Variants in GRM7 observed in about 807,000 individuals in gnomAD.
GRM7 encodes the protein glutamate metabotropic receptor 7, also known as metabotropic glutamate receptor 7.
Under a neutral mutation model 84.5 loss-of-function variants are expected in GRM7, and 35 were observed. That is an observed-to-expected ratio of 0.41 (90% CI 0.32 to 0.55). The LOEUF (loss-of-function observed/expected upper bound fraction) is 0.55, where lower values mean the gene tolerates loss of function less well. Ranked by LOEUF, GRM7 falls within the 20% of genes least tolerant of loss-of-function variation. The pLI, the probability that GRM7 is intolerant of heterozygous loss-of-function variation, is 0.19. For missense variants in GRM7, 1,003 were observed against 1,194.6 expected (o/e 0.84, Z 2.36); for synonymous variants, 487 against 455.1 (o/e 1.07, Z -0.89).
intron 8 of GRM7, among the ~76,000 whole-genome samples, chr3:7,616,694 A>G (rs1279367909): frequency 6.6e-6 from 1 of 152,200 alleles, no homozygotes; most frequent in East Asian, 1.9e-4. Context: ...CTTAAAAAGT[A>G]GGTAAGATAT....
intron 4 of GRM7, among the ~76,000 whole-genome samples, chr3:7,314,733 C>T (rs996953501): frequency 2.0e-5 from 3 of 151,800 alleles, no homozygotes; most frequent in Admixed American, 2.0e-4. Context: ...GATTTAAATT[C>T]TTTGTTTAGT....
Position 7,676,057 on chromosome 3 carries a change from G to C in GRM7, c.2452-3992G>C, listed in dbSNP as rs531731409. On this transcript the variant is annotated intron_variant, in intron 8 of 9. Transcript: ENST00000357716. ...GTGGCGTGATCGTGATCTTGGCTCA[G>C]TGCAAACTCCGCCTCCTGGGTTACA... Among the ~76,000 whole-genome samples, 139 of 152,184 alleles carry C rather than the reference G, an allele frequency of 9.1e-4. 2 individuals are homozygous for C. In the South Asian group the frequency reaches 0.026, roughly 29 times the overall value.
chr3:6,863,957 G>A lies in GRM7; in HGVS notation c.519+2050G>A, dbSNP rs772315878. On this transcript the variant is annotated intron_variant, in intron 1 of 9. Coordinates refer to ENST00000357716, the MANE Select transcript of GRM7 (RefSeq NM_000844.4). The surrounding 1 kb of genome is among the most constrained non-coding windows in gnomAD (Gnocchi z 4.8). ...TGTTTGCTGAAAAATATTCCAGGGG[G>A]AGCTGATTCCTTCTCTGGTGTGTGA... Among the ~76,000 whole-genome samples, 1 of 152,122 alleles carries A rather than the reference G, an allele frequency of 6.6e-6. No individual in the cohort carries two copies. The highest frequency in any genetic ancestry group is 6.5e-5 in the Admixed American group (1 of 15,274).
At chr3:7,469,698 C>A (rs1021411295) in intron 7 of GRM7, among the ~76,000 whole-genome samples, 1 of 152,128 alleles carries the variant, frequency 6.6e-6, no homozygotes, top group Non-Finnish European at 1.5e-5. Context: ...TGAGGAAGGT[C>A]TCTCTGAAAA....
intron 1 of GRM7, among the ~76,000 whole-genome samples, chr3:6,937,384 G>A (rs1055341226): frequency 5.3e-5 from 8 of 152,132 alleles, no homozygotes; most frequent in African/African-American, 1.4e-4. Flanking sequence ...AACAAATTGA[G>A]TTTGGCTGAT....
chr3:7,285,690 A>C (rs1331994527), intron 2 of GRM7, among the ~76,000 whole-genome samples: 7 of 152,024 alleles, frequency 4.6e-5, no homozygotes, highest in Non-Finnish European at 1.0e-4. Flanking sequence ...CTACCTACCA[A>C]ATAGTTTTTT....
chr3:6,921,815 C>G (rs62235383), intron 1 of GRM7, among the ~76,000 whole-genome samples: 11,088 of 151,986 alleles, frequency 0.073, 548 homozygotes, highest in Non-Finnish European at 0.11. Flanking sequence ...AGAATGGCTT[C>G]TCTCTCTCTC....
chr3:7,312,104 T>A (rs1700418450), intron 4 of GRM7, among the ~76,000 whole-genome samples: 1 of 152,170 alleles, frequency 6.6e-6, no homozygotes, highest in South Asian at 2.1e-4. Flanking sequence ...CTGAGTCCTG[T>A]CTCCCTCAAG....
At chr3:7,384,801 T>C (rs1210692932) in intron 4 of GRM7, among the ~76,000 whole-genome samples, 1 of 152,134 alleles carries the variant, frequency 6.6e-6, no homozygotes, top group Non-Finnish European at 1.5e-5. Context: ...ACAGAGAGAT[T>C]GGGGAGCTTT....
At chr3:7,451,468 G>A (rs926947953) in intron 5 of GRM7, among the ~76,000 whole-genome samples, 6 of 152,124 alleles carry the variant, frequency 3.9e-5, no homozygotes, top group African/African-American at 1.4e-4. Flanking sequence ...GATCTCCCTG[G>A]CAAAGTAAAC....
intron 2 of GRM7, among the ~76,000 whole-genome samples, chr3:7,212,903 T>A (rs1696477537): frequency 6.6e-6 from 1 of 152,190 alleles, no homozygotes; most frequent in Admixed American, 6.5e-5. Flanking sequence ...TGTGCCCTAG[T>A]AAAGCCCAGT....
chr3:7,242,190 G>T (rs1475120305), intron 2 of GRM7, among the ~76,000 whole-genome samples: 2 of 152,140 alleles, frequency 1.3e-5, no homozygotes, highest in African/African-American at 4.8e-5. Flanking sequence ...ATGATCCTGT[G>T]ACTGGCTAGA....
chr3:7,242,166 T>C (rs1697583890), intron 2 of GRM7, among the ~76,000 whole-genome samples: 1 of 152,156 alleles, frequency 6.6e-6, no homozygotes, highest in South Asian at 2.1e-4. Context: ...TAAACAAAGA[T>C]GTCAACTTAA....
intron 8 of GRM7, among the ~76,000 whole-genome samples, chr3:7,583,124 G>C (rs1443729413): frequency 2.6e-5 from 4 of 152,186 alleles, no homozygotes; most frequent in Non-Finnish European, 4.4e-5. Flanking sequence ...CAAAGTCAAG[G>C]ATTAGAATGT....
Position 7,740,505 on chromosome 3 carries a change from C to A in GRM7, c.*99C>A. 2 of 639,222 alleles carry A rather than the reference C, an allele frequency of 3.1e-6. No homozygotes were observed. The highest frequency in any genetic ancestry group is 2.6e-6 in the Non-Finnish European group (1 of 378,208). 39.6% of individuals were successfully genotyped at this position (639,222 alleles called of 1,614,324 possible). A position where few individuals can be genotyped will look rare whatever the true frequency, so the allele number is the denominator to read the frequency against. ...TTTGGTCCTACCCGCTTCCCATCAC[C>A]GGAGGAGCTTCCCCGGCCGGGAGAC... On this transcript the variant is annotated 3_prime_UTR_variant, in exon 10 of 10. Coordinates refer to ENST00000357716, the MANE Select transcript of GRM7 (RefSeq NM_000844.4).
At chr3:7,326,965 T>A (rs1269601721) in intron 4 of GRM7, among the ~76,000 whole-genome samples, 2 of 152,212 alleles carry the variant, frequency 1.3e-5, no homozygotes, top group African/African-American at 4.8e-5. Context: ...TACATAAATA[T>A]TTGTTTAATA....
intron 2 of GRM7, among the ~76,000 whole-genome samples, chr3:7,280,290 G>A (rs890988301): frequency 3.3e-5 from 5 of 152,222 alleles, no homozygotes; most frequent in African/African-American, 9.6e-5. Flanking sequence ...GTACACCTGA[G>A]TTAAAATATT....
At chr3:7,556,004 T>C (rs1441747952) in intron 7 of GRM7, among the ~76,000 whole-genome samples, 1 of 152,132 alleles carries the variant, frequency 6.6e-6, no homozygotes, top group Admixed American at 6.6e-5. Context: ...AATTAACCTG[T>C]CTTATTTGAT....
chr3:7,097,215 C>G (rs1698887784), intron 1 of GRM7, among the ~76,000 whole-genome samples: 1 of 152,048 alleles, frequency 6.6e-6, no homozygotes, highest in African/African-American at 2.4e-5. Flanking sequence ...GTCCCTGTCA[C>G]TACTTAAATT....
Sources: gnomAD v4.1 joint callset for allele counts (sites outside exome capture counted in the v4.1 genomes callset) on GRCh38, gnomAD v4.1.1 for gene constraint, Gnocchi (gnomAD v3.1) non-coding constraint, MANE v1.5 for transcripts, NCBI Gene and HGNC (gene_info 2026-07-23, HGNC 2026-07-21) for gene names.